MAP4K4: variants seen among roughly 807,000 people sequenced by gnomAD.
The protein encoded by MAP4K4 is HPK/GCK-like kinase HGK.
MAP4K4 carries 38 observed loss-of-function variants against 189.6 expected under a neutral mutation model. The ratio of observed to expected loss-of-function variants is 0.20; its 90% confidence interval spans 0.15 to 0.26. The LOEUF (loss-of-function observed/expected upper bound fraction) is 0.26. Ranked by LOEUF, MAP4K4 falls within the 10% of genes least tolerant of loss-of-function variation. The probability of loss-of-function intolerance (pLI) is 1.00; values close to 1 mark genes in which losing one functional copy is unlikely to be tolerated. For synonymous variants in MAP4K4, 610 were observed against 624.3 expected (o/e 0.98, Z 0.34); for missense variants, 1,054 against 1,726.9 (o/e 0.61, Z 6.91).
intron 2 of MAP4K4, among the ~76,000 whole-genome samples, chr2:101,771,672 A>ACAT (rs2081512536): frequency 1.3e-5 from 2 of 152,196 alleles, no homozygotes; most frequent in Admixed American, 1.3e-4. Context: ...CAATGTGCAG[A>ACAT]CATGCAGTTT....
intron 2 of MAP4K4, among the ~76,000 whole-genome samples, chr2:101,773,712 TA>T (rs749768836): frequency 6.6e-6 from 1 of 152,162 alleles, no homozygotes; most frequent in Non-Finnish European, 1.5e-5. Flanking sequence ...ATCTTTTTTG[TA>T]CCCACTAACC....
At chr2:101,713,904 T>C (rs1055929595) in intron 2 of MAP4K4, among the ~76,000 whole-genome samples, 6 of 151,650 alleles carry the variant, frequency 4.0e-5, no homozygotes. Flanking sequence ...AAAAAAAAAA[T>C]TTTCTAATTT....
At chr2:101,877,872 C>A (rs950194389) in intron 27 of MAP4K4, among the ~76,000 whole-genome samples, 22 of 152,268 alleles carry the variant, frequency 1.4e-4, no homozygotes, top group African/African-American at 5.3e-4. Context: ...GCCTCAGCCT[C>A]CCGAGTAGCT....
chr2:101,773,661 T>C (rs2082532538), intron 2 of MAP4K4, among the ~76,000 whole-genome samples: 1 of 152,208 alleles, frequency 6.6e-6, no homozygotes, highest in Non-Finnish European at 1.5e-5. Flanking sequence ...AGGCACCCTG[T>C]TGTGCTGTTA....
chr2:101,726,692 A>G (rs1255615262), intron 2 of MAP4K4, among the ~76,000 whole-genome samples: 1 of 152,218 alleles, frequency 6.6e-6, no homozygotes, highest in East Asian at 1.9e-4. Flanking sequence ...GGAGTATAGA[A>G]TATATTCCTT....
intron 3 of MAP4K4, among the ~76,000 whole-genome samples, chr2:101,793,567 G>GT (rs1558952970): frequency 2.0e-4 from 27 of 137,032 alleles, no homozygotes; most frequent in African/African-American, 8.2e-4. Flanking sequence ...GACTCTTCAT[G>GT]GTTTTTTTTT....
intron 2 of MAP4K4, among the ~76,000 whole-genome samples, chr2:101,733,958 G>T (rs184351102): frequency 9.7e-4 from 148 of 152,316 alleles, no homozygotes; most frequent in African/African-American, 3.3e-3. Context: ...GACCTCAGAG[G>T]TTAGGGGATG....
intron 3 of MAP4K4, among the ~76,000 whole-genome samples, chr2:101,819,218 G>T (rs887734676): frequency 5.3e-5 from 8 of 152,098 alleles, no homozygotes; most frequent in Non-Finnish European, 5.9e-5. Flanking sequence ...GCTAGTGGTG[G>T]TGGTGGTATG....
chr2:101,812,087 T>G (rs2095465016), intron 3 of MAP4K4, among the ~76,000 whole-genome samples: 1 of 152,208 alleles, frequency 6.6e-6, no homozygotes, highest in South Asian at 2.1e-4. Context: ...CGTTTACTTT[T>G]TCTTTTGTGC....
chr2:101,795,333 T>C (rs1318584123), intron 3 of MAP4K4, among the ~76,000 whole-genome samples: 5 of 152,210 alleles, frequency 3.3e-5, no homozygotes. Context: ...GTTCTTCCTT[T>C]TGTATTTATT....
intron 20 of MAP4K4, 111 bp downstream of exon 20, chr2:101,867,420 ATTTGAGG>A: frequency 1.3e-6 from 1 of 746,906 alleles, no homozygotes; most frequent in Non-Finnish European, 2.2e-6. Flanking sequence ...CCCCTCACAG[ATTTGAGG>A]AATTATAAGG....
intron 12 of MAP4K4, among the ~76,000 whole-genome samples, chr2:101,853,837 A>G (rs2097360804): frequency 6.6e-6 from 1 of 152,188 alleles, no homozygotes; most frequent in Non-Finnish European, 1.5e-5. Context: ...ACTAAGTATC[A>G]AGAATCTGAA....
chr2:101,830,008 T>G (rs2096547166), intron 6 of MAP4K4, among the ~76,000 whole-genome samples: 1 of 152,212 alleles, frequency 6.6e-6, no homozygotes, highest in African/African-American at 2.4e-5. Flanking sequence ...TGTCTTTTTT[T>G]TCTTTTCTTA....
intron 32 of MAP4K4, among the ~76,000 whole-genome samples, chr2:101,890,523 C>G (rs994886392): frequency 6.6e-6 from 1 of 152,120 alleles, no homozygotes; most frequent in African/African-American, 2.4e-5. Flanking sequence ...GTGGCGTGAT[C>G]TCGGCTCACT....
chr2:101,714,824 G>A (rs1288806837), intron 2 of MAP4K4, among the ~76,000 whole-genome samples: 1 of 152,056 alleles, frequency 6.6e-6, no homozygotes, highest in East Asian at 1.9e-4. Context: ...GTCCACTTCG[G>A]GAATCATGGA....
At position 101,755,929 on chromosome 2, in the gene MAP4K4, C is replaced by CTTTTTTTT. The variant is rs57392183; in HGVS notation, c.124-34769_124-34762dup. On this transcript the variant is annotated intron_variant, in intron 2 of 32. Coordinates refer to ENST00000324219, the Ensembl canonical transcript of MAP4K4. The stretch of plus-strand genomic sequence containing the variant: ...TTTATTTATAGTATGAGTTCTTTTT[C>CTTTTTTTT]TTTTTTTTTTTTTTTTTTTTTTTTT... Among the ~76,000 whole-genome samples the CTTTTTTTT allele has an allele frequency of 5.2e-4, 30 of 57,796 alleles. 2 individuals carry two copies. The highest frequency in any genetic ancestry group is 5.9e-4 in the Non-Finnish European group (19 of 32,302). The allele number at this position is 57,796 out of a possible 152,430, so 37.9% of individuals were successfully genotyped here. A position where few individuals can be genotyped will look rare whatever the true frequency, so the allele number is the denominator to read the frequency against.
At chr2:101,750,686 G>A (rs962811336) in intron 2 of MAP4K4, among the ~76,000 whole-genome samples, 4 of 151,796 alleles carry the variant, frequency 2.6e-5, no homozygotes, top group Admixed American at 6.6e-5. Flanking sequence ...TTAGCCAGGC[G>A]TGGTGGTGCA....
chr2:101,839,202 G>T (rs2096849791), intron 9 of MAP4K4, among the ~76,000 whole-genome samples: 1 of 152,202 alleles, frequency 6.6e-6, no homozygotes, highest in South Asian at 2.1e-4. Context: ...GAAACAGGAA[G>T]AAGTAAAAGT....
chr2:101,884,887 G>C (rs945209352), intron 28 of MAP4K4, among the ~76,000 whole-genome samples: 4 of 152,162 alleles, frequency 2.6e-5, no homozygotes, highest in Non-Finnish European at 5.9e-5. Context: ...GTAATACTAA[G>C]CCCTTGAAGA....
Sources: allele counts gnomAD v4.1 joint callset (sites outside exome capture counted in the v4.1 genomes callset), GRCh38; gene constraint gnomAD v4.1.1; transcripts MANE v1.5; gene names NCBI Gene and HGNC (gene_info 2026-07-23, HGNC 2026-07-21).